The following CCDC178 variants were observed in gnomAD, a reference collection of about 807,000 sequenced individuals.
The protein encoded by CCDC178 is coiled-coil domain containing 178.
A neutral mutation model predicts 117.4 loss-of-function variants in CCDC178; 126 were observed. That is an observed-to-expected ratio of 1.07 (90% CI 0.93 to 1.24). The LOEUF (loss-of-function observed/expected upper bound fraction) is 1.24, where lower values mean the gene tolerates loss of function less well. Among genes scored for constraint, CCDC178 ranks in the 50% most tolerant of loss-of-function variants. The probability of loss-of-function intolerance (pLI) is 0.00; values close to 1 mark genes in which losing one functional copy is unlikely to be tolerated. For missense variants in CCDC178, 1,030 were observed against 986.9 expected, an observed-to-expected ratio of 1.04 and a Z score of -0.59; for synonymous variants, 283 against 313.4, an observed-to-expected ratio of 0.90 and a Z score of 1.02.
At chr18:33,154,597 A>G (rs2058374186) in intron 20 of CCDC178, among the ~76,000 whole-genome samples, 1 of 152,174 alleles carries the variant, frequency 6.6e-6, no homozygotes, top group Non-Finnish European at 1.5e-5. Context: ...AATGAAGTAA[A>G]TACTTCAATT....
chr18:33,041,746 A>G (rs1480144745), intron 21 of CCDC178, among the ~76,000 whole-genome samples: 39 of 151,776 alleles, frequency 2.6e-4, no homozygotes, highest in Admixed American at 2.4e-3. Flanking sequence ...AAGATAAGAA[A>G]ACCAACAATA....
chr18:32,952,493 T>A (rs1266501906), intron 22 of CCDC178, among the ~76,000 whole-genome samples: 1 of 152,224 alleles, frequency 6.6e-6, no homozygotes, highest in East Asian at 1.9e-4. Flanking sequence ...CTGAAGCAGG[T>A]GGGCAACAGG....
chr18:33,239,610 CA>C (rs1035612127), intron 15 of CCDC178, among the ~76,000 whole-genome samples: 1 of 149,842 alleles, frequency 6.7e-6, no homozygotes, highest in African/African-American at 2.4e-5. Flanking sequence ...TAAAAAGAGA[CA>C]AAGGAAAACA....
chr18:32,986,619 A>T (rs796504621), intron 21 of CCDC178, among the ~76,000 whole-genome samples: 6 of 152,240 alleles, frequency 3.9e-5, no homozygotes, highest in African/African-American at 1.4e-4. Flanking sequence ...TCTAGAAAGG[A>T]TGTAATTCAG....
intron 3 of CCDC178, among the ~76,000 whole-genome samples, chr18:33,402,681 T>A (rs538703448): frequency 2.0e-5 from 3 of 152,358 alleles, no homozygotes; most frequent in African/African-American, 7.2e-5. Flanking sequence ...ATTACACTTA[T>A]CTATTCAGTG....
chr18:33,280,714 C>T (rs2060013106), intron 12 of CCDC178, among the ~76,000 whole-genome samples: 1 of 152,072 alleles, frequency 6.6e-6, no homozygotes, highest in South Asian at 2.1e-4. Flanking sequence ...AAATGTCCAA[C>T]AATGATAGAC....
intron 7 of CCDC178, among the ~76,000 whole-genome samples, chr18:33,355,980 G>T (rs574626805): frequency 1.3e-5 from 2 of 152,160 alleles, no homozygotes; most frequent in Non-Finnish European, 2.9e-5. Flanking sequence ...CAATGCCACA[G>T]TGCTCTCTTA....
chr18:32,995,929 A>ATATCTG (rs1555695735), intron 21 of CCDC178, among the ~76,000 whole-genome samples: 1 of 151,538 alleles, frequency 6.6e-6, no homozygotes, highest in Non-Finnish European at 1.5e-5. Context: ...ATCTATATCT[A>ATATCTG]TATCTATATC....
intron 11 of CCDC178, among the ~76,000 whole-genome samples, chr18:33,305,436 G>GTA (rs1434394465): frequency 6.6e-6 from 1 of 152,152 alleles, no homozygotes; most frequent in Non-Finnish European, 1.5e-5. Flanking sequence ...TCGTGGTCCT[G>GTA]TACTCAGTAG....
chr18:33,115,019 C>T (rs558612947), intron 20 of CCDC178, among the ~76,000 whole-genome samples: 1 of 152,144 alleles, frequency 6.6e-6, no homozygotes, highest in East Asian at 1.9e-4. Flanking sequence ...GTAAATTCTT[C>T]TCTTGATTAC....
chr18:33,299,905 A>T (rs138734749), intron 11 of CCDC178, among the ~76,000 whole-genome samples: 2 of 152,210 alleles, frequency 1.3e-5, no homozygotes, highest in African/African-American at 2.4e-5. Context: ...ATATCAGCCA[A>T]TTAGGATGGA....
At chr18:32,945,884 G>T (rs1476869535) in intron 22 of CCDC178, among the ~76,000 whole-genome samples, 3 of 151,926 alleles carry the variant, frequency 2.0e-5, no homozygotes, top group African/African-American at 7.3e-5. Context: ...TAGTTTAATT[G>T]GGCCCAATTT....
At chr18:33,149,725 A>T (rs991668469) in intron 20 of CCDC178, among the ~76,000 whole-genome samples, 2 of 152,216 alleles carry the variant, frequency 1.3e-5, no homozygotes, top group Non-Finnish European at 2.9e-5. Context: ...ACAAACATGT[A>T]GCAGATTGAA....
chr18:33,050,997 C>T (rs2056737905), intron 21 of CCDC178, among the ~76,000 whole-genome samples: 1 of 152,136 alleles, frequency 6.6e-6, no homozygotes, highest in Non-Finnish European at 1.5e-5. Flanking sequence ...ACTGCAACCT[C>T]CGCTTCTCAG....
intron 20 of CCDC178, among the ~76,000 whole-genome samples, chr18:33,122,570 A>T (rs1459363238): frequency 6.6e-6 from 1 of 152,190 alleles, no homozygotes; most frequent in Non-Finnish European, 1.5e-5. Context: ...AGCTAAAAAA[A>T]GATGACCCTC....
At chr18:33,174,709 T>G (rs1434488840) in intron 20 of CCDC178, among the ~76,000 whole-genome samples, 2 of 152,194 alleles carry the variant, frequency 1.3e-5, no homozygotes, top group African/African-American at 4.8e-5. Flanking sequence ...TTTATCAAAT[T>G]ATATAAGAAC....
At chr18:33,085,027 T>A (rs1235671587) in intron 21 of CCDC178, among the ~76,000 whole-genome samples, 2 of 152,136 alleles carry the variant, frequency 1.3e-5, no homozygotes, top group African/African-American at 4.8e-5. Context: ...ATTATCATAA[T>A]GTCTCTACTA....
Position 33,087,015 on chromosome 18 carries a change from A to ACAC in CCDC178, c.2388+5745_2388+5746insGTG, listed in dbSNP as rs2057390149. On this transcript the variant is annotated intron_variant, in intron 21 of 22. Transcript: ENST00000383096. Reference sequence around the variant, plus strand: ...ACACACACACACACACACACACACAACAAAATAGCCATTGGTTGACACACA... The same window carrying ACAC: ...ACACACACACACACACACACACACAACACCAAAATAGCCATTGGTTGACACACA... Among the ~76,000 whole-genome samples the ACAC allele has an allele frequency of 6.5e-5, 9 of 139,274 alleles. 1 individual carries two copies. Among genetic ancestry groups the ACAC allele is most frequent in the African/African-American group, 2.6e-4 (9 of 34,670 alleles). 91.4% of individuals were successfully genotyped at this position (139,274 alleles called of 152,430 possible).
chr18:33,073,021 T>TGTGG (rs1306805156), intron 21 of CCDC178, among the ~76,000 whole-genome samples: 1 of 152,146 alleles, frequency 6.6e-6, no homozygotes, highest in Non-Finnish European at 1.5e-5. Context: ...ACTTTTTACT[T>TGTGG]GTGGGTATCC....
Sources: allele counts gnomAD v4.1 joint callset (sites outside exome capture counted in the v4.1 genomes callset), GRCh38; gene constraint gnomAD v4.1.1; transcripts MANE v1.5; gene names NCBI Gene and HGNC (gene_info 2026-07-23, HGNC 2026-07-21).